ZNF699: variants seen among roughly 807,000 people sequenced by gnomAD.
ZNF699 encodes the protein hangover homolog.
ZNF699 carries 18 observed loss-of-function variants against 22.5 expected under a neutral mutation model. The ratio of observed to expected loss-of-function variants is 0.80; its 90% CI spans 0.55 to 1.19. The LOEUF (loss-of-function observed/expected upper bound fraction) is 1.19. Ranked by LOEUF, ZNF699 falls within the 50% of genes most tolerant of loss-of-function variation. The pLI is 0.00. For missense variants in ZNF699, 670 were observed against 763.4 expected, an observed-to-expected ratio of 0.88 and a Z score of 1.44; for synonymous variants, 241 against 262.3, an observed-to-expected ratio of 0.92 and a Z score of 0.78.
In ZNF699 at chr19:9,295,605, G is replaced by A; in HGVS notation, c.1799C>T (p.Ser600Leu). The A allele has an allele frequency of 1.9e-6, 3 of 1,614,132 alleles. No individual in the cohort carries two copies. The highest frequency in any genetic ancestry group is 2.2e-5 in the South Asian group (2 of 91,074). Residue 600 changes from serine (S) to leucine (L), a missense_variant, in exon 6 of 6, where the codon TCA becomes TTA. Ser to Leu is a moderately radical substitution (Grantham distance 145, BLOSUM62 -2). Coordinates refer to ENST00000591998, the MANE Select transcript of ZNF699 (RefSeq NM_198535.3). Reference protein sequence around the residue: ...LECGKAFSCPSSFRRHVRSHT... With the variant: ...LECGKAFSCPLSFRRHVRSHT... ...GCTTCTCACATGCCTTCGAAAGGAT[G>A]AGGGACAACTGAAAGCTTTTCCACA...
intron 1 of ZNF699, among the ~76,000 whole-genome samples, chr19:9,305,442 G>A (rs977258914): frequency 6.6e-6 from 1 of 152,180 alleles, no homozygotes; most frequent in East Asian, 1.9e-4. Context: ...CTGAAGACTA[G>A]AAAAGTCTGG....
At position 9,291,623 on chromosome 19, in the gene ZNF699, A is replaced by T. The variant is rs918706500; in HGVS notation, c.*3852T>A. 1 of 152,096 alleles carries T rather than the reference A, an allele frequency of 6.6e-6. No homozygotes were observed. The highest frequency in any genetic ancestry group is 1.5e-5 in the Non-Finnish European group (1 of 68,026). The allele number at this position is 152,096 out of a possible 1,614,324, so 9.4% of individuals were successfully genotyped here. ...GAAGGAAACATAGGAGAGTAGATTC[A>T]TTATCTTGGTCCAGGCAAATAATTC... is the stretch of plus-strand genomic sequence containing the variant. On this transcript the variant is annotated 3_prime_UTR_variant, in exon 6 of 6. Coordinates refer to ENST00000591998, the MANE Select transcript of ZNF699 (RefSeq NM_198535.3).
In ZNF699 at chr19:9,296,647, A is replaced by G. The variant is rs146326688; in HGVS notation, c.757T>C (p.Cys253Arg). The change falls in exon 6 of 6, where the codon TGT (cysteine) becomes CGT (arginine). Residue 253 changes from cysteine (C) to arginine (R), a missense_variant. Transcript: ENST00000591998. The stretch of plus-strand genomic sequence containing the variant: ...CTGAAGGCTTTGGTACATTCCTTAC[A>G]TTCATAGGGCTTCTCTTCAGTGGGG... ...KTPTEEKPYE[C>R]KECTKAFSCS... The G allele has an allele frequency of 1.2e-6, 2 of 1,614,112 alleles. No homozygotes were observed. The highest frequency in any genetic ancestry group is 1.7e-6 in the Non-Finnish European group (2 of 1,180,002).
rs1359267805 is a variant in ZNF699 at position 9,296,637 on chromosome 19, C to T, written c.767G>A (p.Cys256Tyr). 4 of 1,614,004 alleles carry T rather than the reference C, an allele frequency of 2.5e-6. No individual in the cohort carries two copies. The highest frequency in any genetic ancestry group is 3.4e-6 in the Non-Finnish European group (4 of 1,180,032). ...TEEKPYECKE[C>Y]TKAFSCSSFF... ...TGAGGAACAGCTGAAGGCTTTGGTA[C>T]ATTCCTTACATTCATAGGGCTTCTC... Residue 256 changes from cysteine to tyrosine, a missense_variant, in exon 6 of 6, where the codon TGT becomes TAT. Physicochemically the swap from Cys to Tyr is radical, Grantham distance 194. Transcript: ENST00000591998.
chr19:9,304,939 AAC>A, intron 2 of ZNF699, 131 bp downstream of exon 2: 5 of 610,784 alleles, frequency 8.2e-6, no homozygotes, highest in African/African-American at 2.0e-5. Flanking sequence ...AAAAAAAAAA[AAC>A]TATAGCCTTC....
Position 9,295,847 on chromosome 19 carries a change from T to A in ZNF699, c.1557A>T (p.Thr519=). The change falls in exon 6 of 6, where the codon ACA becomes ACT. Residue 519 remains threonine, a synonymous_variant. Coordinates refer to ENST00000591998, the MANE Select transcript of ZNF699 (RefSeq NM_198535.3). The part of the protein sequence containing the change: ...GKAFISSSHL[T]VHIRTHTGEK... Reference sequence around the variant, plus strand: ...CTCCAGTGTGAGTTCTGATATGTACTGTAAGGTGGGAGGAACTAATAAAGG... The same window carrying A: ...CTCCAGTGTGAGTTCTGATATGTACAGTAAGGTGGGAGGAACTAATAAAGG... The A allele has an allele frequency of 6.2e-7, 1 of 1,613,756 alleles. No homozygotes were observed. The highest frequency in any genetic ancestry group is 8.5e-7 in the Non-Finnish European group (1 of 1,179,952).
rs1379422582 is a variant in ZNF699, at chr19:9,294,206, A to C, written c.*1269T>G. The C allele has an allele frequency of 6.6e-6, 1 of 152,244 alleles. No homozygotes were observed. Among genetic ancestry groups the C allele is most frequent in the African/African-American group, 2.4e-5 (1 of 41,454 alleles). The allele number at this position is 152,244 out of a possible 1,614,324, so 9.4% of individuals were successfully genotyped here. A position where few individuals can be genotyped will look rare whatever the true frequency, so the allele number is the denominator to read the frequency against. On this transcript the variant is annotated 3_prime_UTR_variant, in exon 6 of 6. Coordinates refer to ENST00000591998, the MANE Select transcript of ZNF699 (RefSeq NM_198535.3). ...AATCCAAGAAGCTGTATCTGGTGAT[A>C]GCTTTAGAGATGCTGCCTTGGAAGA...
In ZNF699 at chr19:9,297,989, C is replaced by T. The variant is rs765807198; in HGVS notation, c.177G>A (p.Gly59=). The T allele has an allele frequency of 4.4e-6, 7 of 1,599,400 alleles. No homozygotes were observed. Among genetic ancestry groups the T allele is most frequent in the Non-Finnish European group, 6.0e-6 (7 of 1,168,320 alleles). The change falls in exon 4 of 6, where the codon GGG becomes GGA. Residue 59 remains glycine, a splice_region_variant and synonymous_variant. Coordinates refer to ENST00000591998, the MANE Select transcript of ZNF699 (RefSeq NM_198535.3). The surrounding 1 kb of genome is among the most constrained non-coding windows in gnomAD (Gnocchi z 4.3). ...LENFQNLASL[G]YPLHTPHLIS... ...TCAGATGGGGTGTGTGTAGCGGATA[C>T]CCTGCACAAGCAGAAAGGCATATCA...
intron 3 of ZNF699, among the ~76,000 whole-genome samples, chr19:9,300,113 C>G (rs2066301802): frequency 6.6e-6 from 1 of 152,206 alleles, no homozygotes; most frequent in Admixed American, 6.5e-5. Flanking sequence ...GGAATGCTCG[C>G]TCTGTCGCCC....
rs1379481075 is a variant in ZNF699, at chr19:9,297,218, C to T, written c.470+78G>A. The T allele has an allele frequency of 7.3e-7, 1 of 1,368,742 alleles. No homozygotes were observed. Among genetic ancestry groups the T allele is most frequent in the Non-Finnish European group, 1.0e-6 (1 of 1,001,818 alleles). 84.8% of individuals were successfully genotyped at this position (1,368,742 alleles called of 1,614,324 possible). A position where few individuals can be genotyped will look rare whatever the true frequency, so the allele number is the denominator to read the frequency against. ...TTTGATCTAGGCTTATTTATATATA[C>T]ATATTTCTTAAATTTCATGACTTTA... On this transcript the variant is annotated intron_variant, in intron 5 of 5. Transcript: ENST00000591998. This position sits in a 1 kb window ranked among gnomAD's most constrained non-coding sequence, Gnocchi z 4.3.
intron 3 of ZNF699, among the ~76,000 whole-genome samples, chr19:9,300,743 C>A (rs1310539605): frequency 1.3e-5 from 2 of 152,134 alleles, no homozygotes; most frequent in Non-Finnish European, 2.9e-5. Flanking sequence ...AAGGCAACAT[C>A]ATTATGGAGA....
In ZNF699 at chr19:9,296,344, T is replaced by C. The variant is rs760301441; in HGVS notation, c.1060A>G (p.Ile354Val). 6 of 1,612,152 alleles carry C rather than the reference T, an allele frequency of 3.7e-6. No individual in the cohort carries two copies. Among genetic ancestry groups the C allele is most frequent in the African/African-American group, 2.7e-5 (2 of 74,282 alleles). ...FSSSSHLIIHIRIHTGEKPYE... is the reference protein window; with the variant it reads ...FSSSSHLIIHVRIHTGEKPYE... ...GGCTTCTCTCCAGTGTGAATTCTTA[T>C]ATGTATTATAAGGTGAGAGGAAGAG... The change falls in exon 6 of 6, where the codon ATA becomes GTA. Residue 354 changes from isoleucine to valine, a missense_variant. By Grantham distance (29) the Ile-to-Val change is conservative (BLOSUM62 3). Coordinates refer to ENST00000591998, the MANE Select transcript of ZNF699 (RefSeq NM_198535.3).
rs761522309 is a variant in ZNF699 at position 9,296,581 on chromosome 19, C to T, written c.823G>A (p.Gly275Arg). 6.8e-6 allele frequency: 11 copies of T among 1,614,006 alleles called. No individual in the cohort carries two copies. The highest frequency in any genetic ancestry group is 2.7e-5 in the African/African-American group (2 of 74,912). ...FFRAHMKIHIGKTNYECKECG... is the reference protein window; with the variant it reads ...FFRAHMKIHIRKTNYECKECG... Reference sequence around the variant, plus strand: ...TCTTTACATTCATAGTTTGTCTTTCCGATGTGAATCTTCATATGTGCCCTA... The same window carrying T: ...TCTTTACATTCATAGTTTGTCTTTCTGATGTGAATCTTCATATGTGCCCTA... Residue 275 changes from glycine to arginine, a missense_variant, in exon 6 of 6, where the codon GGA becomes AGA. Transcript: ENST00000591998.
chr19:9,302,129 T>G (rs2066309844), intron 3 of ZNF699, among the ~76,000 whole-genome samples: 1 of 152,148 alleles, frequency 6.6e-6, no homozygotes, highest in Non-Finnish European at 1.5e-5. Flanking sequence ...ATCGAACTCC[T>G]GACCTCAGGT....
chr19:9,304,810 C>T (rs1467776895), intron 2 of ZNF699, among the ~76,000 whole-genome samples: 2 of 151,882 alleles, frequency 1.3e-5, no homozygotes, highest in Admixed American at 1.3e-4. Context: ...GTAGTCCCAG[C>T]CACTCGGGAG....
At position 9,296,310 on chromosome 19, in the gene ZNF699, C is replaced by T; in HGVS notation, c.1094G>A (p.Cys365Tyr). The change falls in exon 6 of 6, where the codon TGT (cysteine) becomes TAT (tyrosine). Residue 365 changes from cysteine (C) to tyrosine (Y), a missense_variant. Transcript: ENST00000591998. ...RIHTGEKPYE[C>Y]KECGKAFSES... ...GCTGAAGGCCTTCCCACACTCTTTA[C>T]ATTCATAAGGCTTCTCTCCAGTGTG... The T allele has an allele frequency of 6.2e-7, 1 of 1,613,998 alleles. No individual in the cohort carries two copies. Among genetic ancestry groups the T allele is most frequent in the Non-Finnish European group, 8.5e-7 (1 of 1,179,962 alleles).
rs1568344502 is a variant in ZNF699 at position 9,295,677 on chromosome 19, A to G, written c.1727T>C (p.Val576Ala). The change falls in exon 6 of 6, where the codon GTA (valine) becomes GCA (alanine). Residue 576 changes from valine to alanine, a missense_variant. By Grantham distance (64) the Val-to-Ala change is moderately conservative (BLOSUM62 0). Coordinates refer to ENST00000591998, the MANE Select transcript of ZNF699 (RefSeq NM_198535.3). ...CTCTCCAGTGTGCATTCTTGCATGT[A>G]CAGTAAGGTATGAAGAATGACGAAA... ...KAFRHSSYLT[V>A]HARMHTGEKP... 5 of 1,614,058 alleles carry G rather than the reference A, an allele frequency of 3.1e-6. No homozygotes were observed. The highest frequency in any genetic ancestry group is 3.4e-6 in the Non-Finnish European group (4 of 1,180,012).
chr19:9,296,588 A>C lies in ZNF699; in HGVS notation c.816T>G (p.Ile272Met). ...ATTCATAGTTTGTCTTTCCGATGTG[A>C]ATCTTCATATGTGCCCTAAAGAATG... ...CSSFFRAHMK[I>M]HIGKTNYECK... The change falls in exon 6 of 6, where the codon ATT becomes ATG. Residue 272 changes from isoleucine to methionine, a missense_variant. Ile to Met is a conservative substitution (Grantham distance 10, BLOSUM62 1). Coordinates refer to ENST00000591998, the MANE Select transcript of ZNF699 (RefSeq NM_198535.3). 1.9e-6 allele frequency: 3 copies of C among 1,614,206 alleles called. No individual in the cohort carries two copies. Among genetic ancestry groups the C allele is most frequent in the Admixed American group, 1.7e-5 (1 of 60,030 alleles).
At chr19:9,298,665 C>G (rs1195552831) in intron 3 of ZNF699, among the ~76,000 whole-genome samples, 1 of 152,150 alleles carries the variant, frequency 6.6e-6, no homozygotes. Flanking sequence ...AAGGTTACCT[C>G]ATAATTTTGT....
Sources: gnomAD v4.1 joint callset for allele counts (sites outside exome capture counted in the v4.1 genomes callset) on GRCh38, gnomAD v4.1.1 for gene constraint, Gnocchi (gnomAD v3.1) non-coding constraint, MANE v1.5 for transcripts, NCBI Gene and HGNC (gene_info 2026-07-23, HGNC 2026-07-21) for gene names.